Variants in SRRM1 observed in about 807,000 individuals in gnomAD.
SRRM1 encodes serine and arginine repetitive matrix 1.
A neutral mutation model predicts 110.2 loss-of-function variants in SRRM1; 19 were observed. The observed-to-expected ratio is 0.17, with a 90% CI of 0.12 to 0.25. SRRM1 has a LOEUF of 0.25. Among genes scored for constraint, SRRM1 ranks in the 10% least tolerant of loss-of-function variants. The pLI is 1.00. For missense variants in SRRM1, 918 were observed against 1,145.8 expected (o/e 0.80, Z 2.87); for synonymous variants, 443 against 414.9 (o/e 1.07, Z -0.82).
intron 12 of SRRM1, among the ~76,000 whole-genome samples, chr1:24,666,192 C>T (rs1445880398): frequency 2.0e-5 from 3 of 152,058 alleles, no homozygotes; most frequent in Admixed American, 6.6e-5. Flanking sequence ...GTGCTGTTGC[C>T]GAACTTTTTC....
intron 9 of SRRM1, among the ~76,000 whole-genome samples, chr1:24,657,186 G>A (rs1664627924): frequency 2.0e-5 from 3 of 152,210 alleles, no homozygotes; most frequent in Non-Finnish European, 4.4e-5. Context: ...GATTACAAGT[G>A]TGAGCCACCA....
chr1:24,668,668 AT>A (rs1174486610), intron 13 of SRRM1, among the ~76,000 whole-genome samples: 1 of 152,216 alleles, frequency 6.6e-6, no homozygotes, highest in Non-Finnish European at 1.5e-5. Context: ...CCAAATGCTC[AT>A]TCAGAGAGGA....
rs1174608812 is a variant in SRRM1, at chr1:24,652,055, T to TATATATATATATATATATATAC, written c.726-371_726-370insATATATATATATACATATATAT. 4.6e-5 allele frequency among the ~76,000 whole-genome samples: 6 copies of TATATATATATATATATATATAC among 131,202 alleles called. 1 individual carries two copies. Among genetic ancestry groups the TATATATATATATATATATATAC allele is most frequent in the Non-Finnish European group, 7.9e-5 (5 of 62,896 alleles). The allele number at this position is 131,202 out of a possible 152,430, so 86.1% of individuals were successfully genotyped here. A position where few individuals can be genotyped will look rare whatever the true frequency, so the allele number is the denominator to read the frequency against. On this transcript the variant is annotated intron_variant, in intron 6 of 16. Transcript: ENST00000323848. The stretch of plus-strand genomic sequence containing the variant: ...ATATATATATATATATATATATATA[T>TATATATATATATATATATATAC]ATATATATGTACACACACACACACA...
At chr1:24,671,789 C>T (rs1672852385) in intron 16 of SRRM1, among the ~76,000 whole-genome samples, 194 bp downstream of exon 16, 1 of 151,540 alleles carries the variant, frequency 6.6e-6, no homozygotes. Flanking sequence ...GTGCAGCGAT[C>T]CCCACACTTT....
chr1:24,666,832 G>T lies in SRRM1; in HGVS notation c.1646G>T (p.Ser549Ile). The T allele has an allele frequency of 5.6e-6, 9 of 1,613,396 alleles. No individual in the cohort carries two copies. Among genetic ancestry groups the T allele is most frequent in the Non-Finnish European group, 7.6e-6 (9 of 1,179,732 alleles). Residue 549 changes from serine (S) to isoleucine (I), a missense_variant, in exon 13 of 17, where the codon AGT (serine) becomes ATT (isoleucine). By Grantham distance (142) the Ser-to-Ile change is moderately radical. Transcript: ENST00000323848. ...ETSPRGRRRR[S>I]PSPPPTRRRR... is the part of the protein sequence containing the mutation. The stretch of plus-strand genomic sequence containing the variant: ...TGGTTTAGTGGTAGACGGAGGAGAA[G>T]TCCATCCCCACCACCCACCAGAAGG...
intron 5 of SRRM1, among the ~76,000 whole-genome samples, chr1:24,650,329 A>G (rs2148293416): frequency 6.6e-6 from 1 of 152,312 alleles, no homozygotes; most frequent in African/African-American, 2.4e-5. Flanking sequence ...TCCTAAATCA[A>G]AACTTTAAAC....
At chr1:24,643,406 G>A in intron 1 of SRRM1, 59 bp downstream of exon 1, 1 of 1,476,718 alleles carries the variant, frequency 6.8e-7, no homozygotes, top group East Asian at 2.7e-5. Context: ...AGGCCTGGTA[G>A]GAGACCTTAG....
Position 24,645,968 on chromosome 1 carries a change from G to A in SRRM1, c.22-16G>A. The A allele has an allele frequency of 6.2e-7, 1 of 1,608,488 alleles. No homozygotes were observed. Among genetic ancestry groups the A allele is most frequent in the Non-Finnish European group, 8.5e-7 (1 of 1,176,096 alleles). On this transcript the variant is annotated splice_polypyrimidine_tract_variant and intron_variant, in intron 1 of 16. Transcript: ENST00000323848. The stretch of plus-strand genomic sequence containing the variant: ...AACTTTGAACCCTTAGTTAAGATGT[G>A]GTTCTCTTCCTGCAGGGAACAAGTG...
At chr1:24,643,376 A>G (rs928205331) in intron 1 of SRRM1, 29 bp downstream of exon 1, 2 of 1,542,926 alleles carry the variant, frequency 1.3e-6, no homozygotes, top group African/African-American at 2.9e-5. Context: ...CGCCGGGGTG[A>G]GGCCAGGGAC....
At chr1:24,662,238 A>AG (rs1413520006) in intron 11 of SRRM1, among the ~76,000 whole-genome samples, 3 of 152,234 alleles carry the variant, frequency 2.0e-5, no homozygotes, top group Non-Finnish European at 2.9e-5. Context: ...ACTTGAGGTC[A>AG]GGAGTTCGAG....
At chr1:24,658,017 G>T (rs1461849593) in intron 9 of SRRM1, among the ~76,000 whole-genome samples, 1 of 152,054 alleles carries the variant, frequency 6.6e-6, no homozygotes, top group Non-Finnish European at 1.5e-5. Flanking sequence ...TGCCTTCTAC[G>T]ATTTCTGACT....
chr1:24,653,506 A>C (rs998671941), intron 8 of SRRM1, among the ~76,000 whole-genome samples: 2 of 152,238 alleles, frequency 1.3e-5, no homozygotes, highest in African/African-American at 4.8e-5. Flanking sequence ...TAAGTAATTC[A>C]GACAGAAATA....
chr1:24,661,949 A>G (rs1667461331), intron 11 of SRRM1, among the ~76,000 whole-genome samples: 1 of 152,010 alleles, frequency 6.6e-6, no homozygotes, highest in African/African-American at 2.4e-5. Context: ...AACCGGGCAT[A>G]GTGGCGCACA....
Position 24,662,738 on chromosome 1 carries a change from G to A in SRRM1, c.1562G>A (p.Arg521Gln), listed in dbSNP as rs368981241. 8.7e-6 allele frequency: 14 copies of A among 1,614,054 alleles called. No homozygotes were observed. The highest frequency in any genetic ancestry group is 2.2e-5 in the East Asian group (1 of 44,904). ...HVKNGEVGRR[R>Q]RHSPSRSASP... ...AAGAATGGTGAGGTTGGCAGGCGGC[G>A]GAGACATTCCCCTTCCCGGAGTGCT... Residue 521 changes from arginine (R) to glutamine (Q), a missense_variant, in exon 12 of 17, where the codon CGG becomes CAG. Physicochemically the swap from Arg to Gln is conservative, Grantham distance 43. This residue lies in a region of SRRM1 where 357 missense variants were observed against 402.9 expected (regional missense o/e 0.89). Coordinates refer to ENST00000323848, the MANE Select transcript of SRRM1 (RefSeq NM_005839.4).
intron 8 of SRRM1, among the ~76,000 whole-genome samples, 158 bp from the exon 9 acceptor site, chr1:24,654,697 T>C (rs1275142359): frequency 1.3e-5 from 2 of 152,222 alleles, no homozygotes; most frequent in Non-Finnish European, 2.9e-5. Flanking sequence ...GCCTAGGTTA[T>C]GGTTTTTTCC....
In SRRM1 at chr1:24,669,180, A is replaced by G. The variant is rs1232369158; in HGVS notation, c.1797A>G (p.Pro599=). Reference sequence around the variant, plus strand: ...CTTCTCCTAGAAGATACTCTCCTCCAATACAGAGGAGATACTCTCCTTCTC... The same window carrying G: ...CTTCTCCTAGAAGATACTCTCCTCCGATACAGAGGAGATACTCTCCTTCTC... The part of the protein sequence containing the change: ...RSPSPRRYSP[P]IQRRYSPSPP... The change falls in exon 14 of 17, where the codon CCA becomes CCG. Residue 599 remains proline (P), a synonymous_variant. Coordinates refer to ENST00000323848, the MANE Select transcript of SRRM1 (RefSeq NM_005839.4). 1.2e-6 allele frequency: 2 copies of G among 1,613,904 alleles called. No homozygotes were observed. The highest frequency in any genetic ancestry group is 1.7e-6 in the Non-Finnish European group (2 of 1,179,970).
chr1:24,649,094 A>C, intron 4 of SRRM1, 65 bp downstream of exon 4: 2 of 1,441,520 alleles, frequency 1.4e-6, no homozygotes, highest in South Asian at 2.4e-5. Flanking sequence ...GAGACACCTT[A>C]GGTAGTATAT....
chr1:24,644,074 A>G (rs375168397), intron 1 of SRRM1, among the ~76,000 whole-genome samples: 108 of 152,278 alleles, frequency 7.1e-4, no homozygotes, highest in African/African-American at 2.5e-3. Context: ...CCCGCCCTCC[A>G]CATCCCTCAC....
At chr1:24,654,392 G>A in intron 8 of SRRM1, 1 of 1,263,224 alleles carries the variant, frequency 7.9e-7, no homozygotes, top group East Asian at 5.6e-5. Context: ...CGCAGAATTC[G>A]AGAGGCCCCT....
Sources: allele counts gnomAD v4.1 joint callset (sites outside exome capture counted in the v4.1 genomes callset), GRCh38; gene constraint gnomAD v4.1.1; regional missense constraint gnomAD v4.1.1; transcripts MANE v1.5; gene names NCBI Gene and HGNC (gene_info 2026-07-23, HGNC 2026-07-21).